C14orf132: variants seen among roughly 807,000 people sequenced by gnomAD.
C14orf132 encodes uncharacterized protein C14orf132.
Under a neutral mutation model 5.8 loss-of-function variants are expected in C14orf132, and 6 were observed. That is an observed-to-expected ratio of 1.03 (90% CI 0.57 to 2.04). The LOEUF is 2.04. C14orf132 is among the 30% of genes most tolerant of loss of function. C14orf132 has a pLI of 0.00. For missense variants in C14orf132, 125 were observed against 115.8 expected (o/e 1.08, Z -0.37); for synonymous variants, 51 against 49.8 (o/e 1.02, Z -0.10).
intron 1 of C14orf132, among the ~76,000 whole-genome samples, chr14:96,085,758 T>C (rs1044703066): frequency 2.0e-5 from 3 of 152,208 alleles, no homozygotes; most frequent in Non-Finnish European, 2.9e-5. Context: ...TGCTAATGGA[T>C]GTACAAGGAT....
chr14:96,045,906 A>T (rs1168262657), intron 1 of C14orf132, among the ~76,000 whole-genome samples: 1 of 152,186 alleles, frequency 6.6e-6, no homozygotes, highest in African/African-American at 2.4e-5. Flanking sequence ...AACAGCAGAG[A>T]CTGGAGTCTA....
At position 96,088,054 on chromosome 14, in the gene C14orf132, C is replaced by T. The variant is rs1287469483; in HGVS notation, c.*1319C>T. 1 of 150,668 alleles carries T rather than the reference C, an allele frequency of 6.6e-6. No homozygotes were observed. The highest frequency in any genetic ancestry group is 1.5e-5 in the Non-Finnish European group (1 of 67,766). 9.3% of individuals were successfully genotyped at this position (150,668 alleles called of 1,614,324 possible). ...ACCTCTAGGCCCAGAGAGGCTTTCT[C>T]CTCACTTTATACACTGCAAAAACAG... On this transcript the variant is annotated 3_prime_UTR_variant, in exon 2 of 2. Transcript: ENST00000555004.
chr14:96,061,013 G>A (rs1365885516), intron 1 of C14orf132, among the ~76,000 whole-genome samples: 1 of 152,146 alleles, frequency 6.6e-6, no homozygotes, highest in East Asian at 1.9e-4. Context: ...TCTTTAAATA[G>A]TAAAAACAAA....
intron 1 of C14orf132, among the ~76,000 whole-genome samples, chr14:96,069,282 TA>T (rs1485359310): frequency 6.8e-5 from 2 of 29,346 alleles, no homozygotes; most frequent in South Asian, 1.6e-3. Flanking sequence ...TATATATATA[TA>T]TATATATATA....
chr14:96,053,186 G>GT (rs749509897), intron 1 of C14orf132, among the ~76,000 whole-genome samples: 3 of 152,160 alleles, frequency 2.0e-5, no homozygotes, highest in Non-Finnish European at 2.9e-5. Flanking sequence ...TTAAAAATGA[G>GT]TGGGGATGGT....
At chr14:96,083,587 T>C (rs1174193738) in intron 1 of C14orf132, among the ~76,000 whole-genome samples, 5 of 152,074 alleles carry the variant, frequency 3.3e-5, no homozygotes, top group Non-Finnish European at 7.4e-5. Flanking sequence ...CACTACTGGC[T>C]TTGAAGATGG....
At chr14:96,045,782 T>C (rs1886818120) in intron 1 of C14orf132, among the ~76,000 whole-genome samples, 1 of 152,262 alleles carries the variant, frequency 6.6e-6, no homozygotes, top group African/African-American at 2.4e-5. Flanking sequence ...TGCTTATGAC[T>C]TCAGTTACTT....
intron 1 of C14orf132, among the ~76,000 whole-genome samples, chr14:96,078,713 T>G (rs1887946949): frequency 6.6e-6 from 1 of 152,152 alleles, no homozygotes; most frequent in African/African-American, 2.4e-5. Context: ...AGATCTTACA[T>G]CTCCCTTTGG....
At chr14:96,040,915 G>A (rs1459008421) in intron 1 of C14orf132, among the ~76,000 whole-genome samples, 1 of 152,092 alleles carries the variant, frequency 6.6e-6, no homozygotes, top group Admixed American at 6.5e-5. Context: ...CTTCCCCTCT[G>A]GATCCCACTG....
At chr14:96,086,411 G>T in intron 1 of C14orf132, 100 bp from the exon 2 acceptor site, 1 of 1,037,894 alleles carries the variant, frequency 9.6e-7, no homozygotes, top group Non-Finnish European at 1.4e-6. Flanking sequence ...AGAGATCGTA[G>T]CTTCATGTGG....
At position 96,092,317 on chromosome 14, in the gene C14orf132, A is replaced by C. The variant is rs1284239427; in HGVS notation, c.*5582A>C. ...CATCCAGACATTTGGCAAGGCTGTC[A>C]TCTGCTCTTGGGTCCTTTTTCAAGC... On this transcript the variant is annotated 3_prime_UTR_variant, in exon 2 of 2. Transcript: ENST00000555004. 1 of 152,318 alleles carries C rather than the reference A, an allele frequency of 6.6e-6. No individual in the cohort carries two copies. The highest frequency in any genetic ancestry group is 6.5e-5 in the Admixed American group (1 of 15,308). The allele number at this position is 152,318 out of a possible 1,614,324, so 9.4% of individuals were successfully genotyped here. A position where few individuals can be genotyped will look rare whatever the true frequency, so the allele number is the denominator to read the frequency against.
rs1319933309 is a variant in C14orf132, at chr14:96,071,581, ACTGCCCC to A, written c.28-14926_28-14920del. On this transcript the variant is annotated intron_variant, in intron 1 of 1. Coordinates refer to ENST00000555004, the MANE Select transcript of C14orf132 (RefSeq NM_001252507.3). ...CACCCCAATTAAGCCGTGAACACAC[ACTGCCCC>A]CTGGGGATCCCCAGTCTTTGGCCAG... Among the ~76,000 whole-genome samples, 82 of 152,298 alleles carry A rather than the reference ACTGCCCC, an allele frequency of 5.4e-4. 1 individual carries two copies. In the Middle Eastern group the frequency reaches 0.024, roughly 44 times the overall value.
At position 96,087,015 on chromosome 14, in the gene C14orf132, C is replaced by T. The variant is rs1566838200; in HGVS notation, c.*280C>T. 2.0e-6 allele frequency: 1 copy of T among 502,922 alleles called. No homozygotes were observed. Among genetic ancestry groups the T allele is most frequent in the Admixed American group, 3.6e-5 (1 of 27,822 alleles). The allele number at this position is 502,922 out of a possible 1,614,324, so 31.2% of individuals were successfully genotyped here. On this transcript the variant is annotated 3_prime_UTR_variant, in exon 2 of 2. Transcript: ENST00000555004. ...GATCCTTGAAACTACATTCCAGGAACATGGGACCAGATGAGACAGCTAGTT... is the reference window on the plus strand; with the variant it reads ...GATCCTTGAAACTACATTCCAGGAATATGGGACCAGATGAGACAGCTAGTT...
intron 1 of C14orf132, among the ~76,000 whole-genome samples, chr14:96,068,762 A>C (rs1299856354): frequency 1.3e-5 from 2 of 152,136 alleles, no homozygotes; most frequent in Non-Finnish European, 2.9e-5. Flanking sequence ...TGTGCTGAGC[A>C]CCAGAGGACC....
chr14:96,058,505 A>G (rs549580369), intron 1 of C14orf132, among the ~76,000 whole-genome samples: 75 of 152,232 alleles, frequency 4.9e-4, no homozygotes, highest in African/African-American at 1.6e-3. Flanking sequence ...AAAGACTCCA[A>G]TCCTTCACCC....
intron 1 of C14orf132, among the ~76,000 whole-genome samples, chr14:96,069,178 T>C (rs1345500454): frequency 8.3e-6 from 1 of 119,880 alleles, no homozygotes; most frequent in Admixed American, 1.0e-4. Flanking sequence ...CATATATATA[T>C]GTATATATAT....
intron 1 of C14orf132, among the ~76,000 whole-genome samples, chr14:96,070,791 G>GTGT (rs1047613306): frequency 1.1e-4 from 16 of 152,264 alleles, no homozygotes; most frequent in African/African-American, 3.9e-4. Context: ...CCAATGGAAG[G>GTGT]TGTGCAGGGG....
rs35138535 is a variant in C14orf132, at chr14:96,090,390, C to CA, written c.*3670dup. ...TGGGCAACAGAACGAGACTCTGTCT[C>CA]AAAAAAAAAAAAAAAGAAAAGAAAA... On this transcript the variant is annotated 3_prime_UTR_variant, in exon 2 of 2. Coordinates refer to ENST00000555004, the MANE Select transcript of C14orf132 (RefSeq NM_001252507.3). 53,488 of 197,436 alleles carry CA rather than the reference C, an allele frequency of 0.27. 3,009 individuals are homozygous for CA. Among genetic ancestry groups the CA allele is most frequent in the Non-Finnish European group, 0.29 (32,886 of 111,660 alleles). 12.2% of individuals were successfully genotyped at this position (197,436 alleles called of 1,614,324 possible).
intron 1 of C14orf132, among the ~76,000 whole-genome samples, chr14:96,049,513 T>G (rs2139646358): frequency 6.9e-6 from 1 of 144,744 alleles, no homozygotes; most frequent in East Asian, 2.0e-4. Flanking sequence ...TATACGTATA[T>G]ACGTATATAT....
Sources: allele counts gnomAD v4.1 joint callset (sites outside exome capture counted in the v4.1 genomes callset), GRCh38; gene constraint gnomAD v4.1.1; transcripts MANE v1.5; gene names NCBI Gene and HGNC (gene_info 2026-07-23, HGNC 2026-07-21).